The following NOTCH2 variants were observed in gnomAD, a reference collection of about 807,000 sequenced individuals.
NOTCH2 encodes the protein notch receptor 2.
A neutral mutation model predicts 235.8 loss-of-function variants in NOTCH2; 29 were observed. The ratio of observed to expected loss-of-function variants is 0.12; its 90% CI spans 0.09 to 0.17. The LOEUF (loss-of-function observed/expected upper bound fraction) is 0.17, where lower values mean the gene tolerates loss of function less well. NOTCH2 is among the 10% of genes least tolerant of loss of function. The probability of loss-of-function intolerance (pLI) is 1.00; values close to 1 mark genes in which losing one functional copy is unlikely to be tolerated. For synonymous variants in NOTCH2, 1,086 were observed against 1,141.5 expected (o/e 0.95, Z 0.98); for missense variants, 2,285 against 3,150.2 (o/e 0.73, Z 6.57).
chr1:119,949,205 T>C (rs2101115953), intron 15 of NOTCH2, 79 bp from the exon 16 acceptor site: 6 of 1,469,112 alleles, frequency 4.1e-6, no homozygotes, highest in Non-Finnish European at 5.7e-6. Context: ...GGATGTTCTC[T>C]GAATTCAAGT....
intron 1 of NOTCH2, among the ~76,000 whole-genome samples, chr1:120,067,669 C>T (rs2799252): frequency 2.0e-5 from 3 of 152,284 alleles, no homozygotes; most frequent in South Asian, 4.1e-4. Flanking sequence ...TCTCATTGAT[C>T]ATACTCCTCT....
At chr1:119,988,134 T>C (rs1194003468) in intron 4 of NOTCH2, among the ~76,000 whole-genome samples, 1 of 152,178 alleles carries the variant, frequency 6.6e-6, no homozygotes, top group Non-Finnish European at 1.5e-5. Flanking sequence ...GCACTGGTGA[T>C]ACAGCAGTGA....
intron 2 of NOTCH2, among the ~76,000 whole-genome samples, chr1:120,023,778 C>CA (rs1253436611): frequency 1.4e-5 from 2 of 138,942 alleles, no homozygotes; most frequent in Non-Finnish European, 3.0e-5. Flanking sequence ...ACATTATAGT[C>CA]AGTTTTTTTC....
Position 119,967,672 on chromosome 1 carries a change from A to G in NOTCH2, c.1265-51T>C, listed in dbSNP as rs587686147. On this transcript the variant is annotated intron_variant, in intron 7 of 33. Transcript: ENST00000256646. Reference sequence around the variant, plus strand: ...GGGATCAAAGCAGTTGAGTTTCCACAAATGTGAACAATAGAAGAGCATCTG... The same window carrying G: ...GGGATCAAAGCAGTTGAGTTTCCACGAATGTGAACAATAGAAGAGCATCTG... 51 of 1,503,132 alleles carry G rather than the reference A, an allele frequency of 3.4e-5. No individual in the cohort carries two copies. In the East Asian group the frequency reaches 1.0e-3, roughly 31 times the overall value. 93.1% of individuals were successfully genotyped at this position (1,503,132 alleles called of 1,614,324 possible).
intron 22 of NOTCH2, among the ~76,000 whole-genome samples, chr1:119,934,203 G>A (rs1649768341): frequency 6.6e-6 from 1 of 152,166 alleles, no homozygotes. Flanking sequence ...TGGGTCCCTG[G>A]ATCTTCTTCA....
At chr1:119,999,864 G>A (rs1652644355) in intron 3 of NOTCH2, among the ~76,000 whole-genome samples, 1 of 148,788 alleles carries the variant, frequency 6.7e-6, no homozygotes, top group Non-Finnish European at 1.5e-5. Flanking sequence ...AACAGAGTGA[G>A]AAGAAAGACA....
rs1652493446 is a variant in NOTCH2, at chr1:119,997,106, T to C, written c.642A>G (p.Thr214=). The change falls in exon 4 of 34, where the codon ACA becomes ACG. Residue 214 remains threonine (T), a synonymous_variant. Coordinates refer to ENST00000256646, the MANE Select transcript of NOTCH2 (RefSeq NM_024408.4). The part of the protein sequence containing the change: ...SYQCQCPQGF[T]GQYCDSLYVP... ...CATACAGGCTGTCACAGTACTGGCC[T>C]GTGAAGCCCTGAGGGCACTGGCACT... 9.3e-6 allele frequency: 15 copies of C among 1,613,884 alleles called. No homozygotes were observed. Among genetic ancestry groups the C allele is most frequent in the Non-Finnish European group, 1.1e-5 (13 of 1,179,868 alleles).
rs587600735 is a variant in NOTCH2, at chr1:119,976,139, T to C, written c.875-6395A>G. On this transcript the variant is annotated intron_variant, in intron 5 of 33. Transcript: ENST00000256646. ...GCTTGGCTGGCCCTTGCACTGAGTCTGCTACCTTCTCCTCTATGGCTGAGT... is the reference window on the plus strand; with the variant it reads ...GCTTGGCTGGCCCTTGCACTGAGTCCGCTACCTTCTCCTCTATGGCTGAGT... 9.2e-5 allele frequency among the ~76,000 whole-genome samples: 14 copies of C among 152,240 alleles called. No individual in the cohort carries two copies. The East Asian group carries it at 1.9e-3, about 21-fold the overall frequency.
chr1:120,015,323 C>T lies in NOTCH2; in HGVS notation c.156-9735G>A, dbSNP rs587717935. Among the ~76,000 whole-genome samples, 6 of 152,206 alleles carry T rather than the reference C, an allele frequency of 3.9e-5. No homozygotes were observed. In the South Asian group the frequency reaches 1.1e-3, roughly 27 times the overall value. On this transcript the variant is annotated intron_variant, in intron 2 of 33. Coordinates refer to ENST00000256646, the MANE Select transcript of NOTCH2 (RefSeq NM_024408.4). ...CTGGGCCTCTTGGCCCCCCAATCCG[C>T]AGTGGCAGCCTGCCCTAGCTGAGCT...
intron 2 of NOTCH2, among the ~76,000 whole-genome samples, chr1:120,025,003 TG>T (rs1220225302): frequency 7.9e-5 from 12 of 151,378 alleles, no homozygotes; most frequent in South Asian, 2.1e-4. Context: ...TTTACAGTTT[TG>T]TTTTTTTTTT....
Position 119,918,394 on chromosome 1 carries a change from T to C in NOTCH2, c.5929+12A>G, listed in dbSNP as rs1003030783. ...GCAGGTAAGAATCCAAATCCCTGCC[T>C]TTCATCCCTACCATGGTCATCCACT... is the stretch of plus-strand genomic sequence containing the variant. On this transcript the variant is annotated intron_variant, in intron 32 of 33. Transcript: ENST00000256646. 6.2e-7 allele frequency: 1 copy of C among 1,614,014 alleles called. No homozygotes were observed. The highest frequency in any genetic ancestry group is 1.7e-5 in the Admixed American group (1 of 60,024).
chr1:119,915,179 T>A lies in NOTCH2; in HGVS notation c.*127A>T. 1.0e-6 allele frequency: 1 copy of A among 971,030 alleles called. No individual in the cohort carries two copies. The highest frequency in any genetic ancestry group is 1.6e-6 in the Non-Finnish European group (1 of 614,956). The allele number at this position is 971,030 out of a possible 1,614,324, so 60.2% of individuals were successfully genotyped here. ...CTCTTGCATTATCTGAATAAGAACA[T>A]CTTCTCTTTCCTACCTCTAGAAGCT... On this transcript the variant is annotated 3_prime_UTR_variant, in exon 34 of 34. Coordinates refer to ENST00000256646, the MANE Select transcript of NOTCH2 (RefSeq NM_024408.4).
At chr1:119,989,124 C>T (rs1652131651) in intron 4 of NOTCH2, among the ~76,000 whole-genome samples, 1 of 152,192 alleles carries the variant, frequency 6.6e-6, no homozygotes, top group Admixed American at 6.5e-5. Context: ...TGTCTAGGCT[C>T]AACTCTCAGC....
intron 2 of NOTCH2, among the ~76,000 whole-genome samples, chr1:120,028,478 GC>G (rs1480242142): frequency 6.6e-6 from 1 of 151,914 alleles, no homozygotes; most frequent in Non-Finnish European, 1.5e-5. Context: ...TAAATGAGCA[GC>G]CCATAATAAG....
At chr1:120,011,069 A>T (rs1772522) in intron 2 of NOTCH2, among the ~76,000 whole-genome samples, 4 of 152,348 alleles carry the variant, frequency 2.6e-5, no homozygotes, top group South Asian at 4.1e-4. Context: ...AATATGCAAA[A>T]CCGTAGAGAT....
intron 5 of NOTCH2, among the ~76,000 whole-genome samples, chr1:119,973,188 C>T (rs185540456): frequency 1.9e-3 from 291 of 152,288 alleles, no homozygotes; most frequent in Non-Finnish European, 2.9e-3. Context: ...CTCTAAGGTT[C>T]AGGCACATTT....
Position 119,942,873 on chromosome 1 carries a change from CTTT to C in NOTCH2, c.2753-1122_2753-1120del, listed in dbSNP as rs587671333. Among the ~76,000 whole-genome samples, 672 of 128,740 alleles carry C rather than the reference CTTT, an allele frequency of 5.2e-3. 4 individuals carry two copies. Among genetic ancestry groups the C allele is most frequent in the African/African-American group, 0.017 (580 of 33,650 alleles). 84.5% of individuals were successfully genotyped at this position (128,740 alleles called of 152,430 possible). A position where few individuals can be genotyped will look rare whatever the true frequency, so the allele number is the denominator to read the frequency against. The stretch of plus-strand genomic sequence containing the variant: ...TCATTAAAATTATTTGTCCATATGT[CTTT>C]TTTTTTTTTTTTTTTTGGTGAAGTC... On this transcript the variant is annotated intron_variant, in intron 17 of 33. Coordinates refer to ENST00000256646, the MANE Select transcript of NOTCH2 (RefSeq NM_024408.4).
chr1:119,928,949 T>A (rs1553194776), intron 23 of NOTCH2, 27 bp downstream of exon 23: 1 of 1,593,528 alleles, frequency 6.3e-7, no homozygotes, highest in Non-Finnish European at 8.6e-7. Flanking sequence ...CAAGGCAGAG[T>A]GGCCAGGAGG....
chr1:119,943,627 T>C (rs1553196729), intron 17 of NOTCH2, among the ~76,000 whole-genome samples: 1 of 152,168 alleles, frequency 6.6e-6, no homozygotes, highest in Admixed American at 6.5e-5. Context: ...TTAAAAAAAT[T>C]CAGCATGGAA....
Sources: gnomAD v4.1 joint callset for allele counts (sites outside exome capture counted in the v4.1 genomes callset) on GRCh38, gnomAD v4.1.1 for gene constraint, MANE v1.5 for transcripts, NCBI Gene and HGNC (gene_info 2026-07-23, HGNC 2026-07-21) for gene names.